The following SCAI variants were observed in gnomAD, a reference collection of about 807,000 sequenced individuals.
The protein encoded by SCAI is protein SCAI.
Under a neutral mutation model 92.2 loss-of-function variants are expected in SCAI, and 24 were observed. The ratio of observed to expected loss-of-function variants is 0.26; its 90% CI spans 0.19 to 0.37. The LOEUF is 0.37. Ranked by LOEUF, SCAI falls within the 10% of genes least tolerant of loss-of-function variation. The pLI is 1.00. For synonymous variants in SCAI, 261 were observed against 258.6 expected (o/e 1.01, Z -0.09); for missense variants, 450 against 736.2 (o/e 0.61, Z 4.50).
intron 15 of SCAI, chr9:124,974,392 G>A (rs1831716353): frequency 6.8e-6 from 2 of 293,124 alleles, no homozygotes; most frequent in South Asian, 5.4e-5. Context: ...AGGCTGAAGT[G>A]AGCTATGATC....
intron 9 of SCAI, among the ~76,000 whole-genome samples, chr9:125,007,368 A>T (rs1832532875): frequency 6.6e-6 from 1 of 152,010 alleles, no homozygotes; most frequent in Non-Finnish European, 1.5e-5. Flanking sequence ...GAAATAGAGA[A>T]TTCTGCCAGA....
At chr9:124,970,851 G>A (rs1226663819) in intron 17 of SCAI, among the ~76,000 whole-genome samples, 2 of 152,026 alleles carry the variant, frequency 1.3e-5, no homozygotes, top group Non-Finnish European at 2.9e-5. Flanking sequence ...TTTCGTTCTT[G>A]TCGTCCAGGC....
intron 2 of SCAI, among the ~76,000 whole-genome samples, chr9:125,056,359 A>C (rs1833665644): frequency 6.6e-6 from 1 of 152,138 alleles, no homozygotes; most frequent in African/African-American, 2.4e-5. Flanking sequence ...CCAGCTACTC[A>C]GGAGGCTGAG....
Position 125,138,616 on chromosome 9 carries a change from G to T in SCAI, c.98+4017C>A, listed in dbSNP as rs867064343. ...TTTTTAGTAGAGACGTGGTTTCACT[G>T]TGTTAGCCAGGATGGTCTCGATCTC... On this transcript the variant is annotated intron_variant, in intron 2 of 17. Coordinates refer to ENST00000336505, the MANE Select transcript of SCAI (RefSeq NM_001144877.3). Among the ~76,000 whole-genome samples, 7 of 152,172 alleles carry T rather than the reference G, an allele frequency of 4.6e-5. No individual in the cohort carries two copies. The South Asian group carries it at 8.3e-4, about 18-fold the overall frequency.
intron 2 of SCAI, among the ~76,000 whole-genome samples, chr9:125,102,964 G>C (rs1834708954): frequency 6.6e-6 from 1 of 151,928 alleles, no homozygotes; most frequent in African/African-American, 2.4e-5. Context: ...AAATTTTCAT[G>C]AGGTTCCATC....
At chr9:124,993,324 C>A (rs993208744) in intron 14 of SCAI, among the ~76,000 whole-genome samples, 1 of 152,202 alleles carries the variant, frequency 6.6e-6, no homozygotes, top group African/African-American at 2.4e-5. Context: ...TACGGTGGAA[C>A]ACGCCTGTAA....
At chr9:125,059,118 G>T (rs1833725922) in intron 2 of SCAI, among the ~76,000 whole-genome samples, 1 of 152,306 alleles carries the variant, frequency 6.6e-6, no homozygotes, top group Middle Eastern at 3.4e-3. Flanking sequence ...AAATCCAGCA[G>T]ACACTGCCTT....
At chr9:125,085,110 TACA>T (rs1040179198) in intron 2 of SCAI, among the ~76,000 whole-genome samples, 3 of 152,216 alleles carry the variant, frequency 2.0e-5, no homozygotes, top group South Asian at 2.1e-4. Flanking sequence ...CAAATGTAAT[TACA>T]TTGTAATAAA....
intron 14 of SCAI, among the ~76,000 whole-genome samples, chr9:124,991,351 C>CAAAAAAAA (rs34976572): frequency 5.0e-5 from 2 of 40,228 alleles, no homozygotes; most frequent in African/African-American, 1.3e-4. Context: ...AACTCCGTCT[C>CAAAAAAAA]AAAAAAAAAA....
At chr9:125,123,643 C>A (rs577807334) in intron 2 of SCAI, among the ~76,000 whole-genome samples, 2 of 152,052 alleles carry the variant, frequency 1.3e-5, no homozygotes, top group Non-Finnish European at 2.9e-5. Context: ...GGCATGGTGG[C>A]GGGCACCTGG....
intron 2 of SCAI, among the ~76,000 whole-genome samples, chr9:125,108,608 CTG>C (rs1834863895): frequency 6.6e-6 from 1 of 150,482 alleles, no homozygotes; most frequent in Non-Finnish European, 1.5e-5. Context: ...GCCGCCCCGT[CTG>C]AGAAGTGAGG....
intron 2 of SCAI, among the ~76,000 whole-genome samples, chr9:125,077,875 C>T (rs1193636734): frequency 2.6e-5 from 4 of 152,174 alleles, no homozygotes; most frequent in South Asian, 2.1e-4. Flanking sequence ...CCTGCCACCA[C>T]GCCTGGCTAA....
At chr9:125,137,879 G>A (rs1305649347) in intron 2 of SCAI, among the ~76,000 whole-genome samples, 1 of 152,202 alleles carries the variant, frequency 6.6e-6, no homozygotes, top group Non-Finnish European at 1.5e-5. Context: ...TGGGATTACA[G>A]ATGTGAGCCA....
chr9:125,056,079 C>T, intron 2 of SCAI, 72 bp from the exon 3 acceptor site: 1 of 1,111,442 alleles, frequency 9.0e-7, no homozygotes, highest in South Asian at 1.5e-5. Context: ...GTTATATCAT[C>T]TGATAGTATT....
At chr9:125,002,932 CAAA>C (rs372533970) in intron 11 of SCAI, among the ~76,000 whole-genome samples, 179 bp downstream of exon 11, 1 of 112,744 alleles carries the variant, frequency 8.9e-6, no homozygotes. Flanking sequence ...ACCAGGAGTA[CAAA>C]AAAAAAAAAA....
chr9:125,072,887 T>C (rs144075552), intron 2 of SCAI, among the ~76,000 whole-genome samples: 74 of 152,276 alleles, frequency 4.9e-4, no homozygotes, highest in African/African-American at 1.6e-3. Flanking sequence ...TAAGGCTGAA[T>C]AATACGCCCT....
chr9:125,091,886 C>T lies in SCAI; in HGVS notation c.99-35879G>A, dbSNP rs1834434518. 6.6e-6 allele frequency among the ~76,000 whole-genome samples: 1 copy of T among 152,032 alleles called. No individual in the cohort carries two copies. Among genetic ancestry groups the T allele is most frequent in the Non-Finnish European group, 1.5e-5 (1 of 68,018 alleles). Reference sequence around the variant, plus strand: ...CAGCACTGCGGGAGGCCGAGGCGAGCAGATCACGAGGTCAGGAGATCGAGA... The same window carrying T: ...CAGCACTGCGGGAGGCCGAGGCGAGTAGATCACGAGGTCAGGAGATCGAGA... On this transcript the variant is annotated intron_variant, in intron 2 of 17. Coordinates refer to ENST00000336505, the MANE Select transcript of SCAI (RefSeq NM_001144877.3). This position sits in a 1 kb window ranked among gnomAD's most constrained non-coding sequence, Gnocchi z 4.3.
chr9:125,113,932 A>G (rs1834985058), intron 2 of SCAI, among the ~76,000 whole-genome samples: 2 of 152,194 alleles, frequency 1.3e-5, no homozygotes, highest in Admixed American at 1.3e-4. Context: ...ATTGCACTCT[A>G]GCCTGGGCAA....
chr9:125,001,109 A>C (rs1208368955), intron 12 of SCAI, among the ~76,000 whole-genome samples: 1 of 152,216 alleles, frequency 6.6e-6, no homozygotes, highest in Non-Finnish European at 1.5e-5. Context: ...ATTTTACATT[A>C]CTTTTAATGT....
Sources: allele counts gnomAD v4.1 joint callset (sites outside exome capture counted in the v4.1 genomes callset), GRCh38; gene constraint gnomAD v4.1.1; non-coding constraint Gnocchi (gnomAD v3.1); transcripts MANE v1.5; gene names NCBI Gene and HGNC (gene_info 2026-07-23, HGNC 2026-07-21).